Variants in ETF1 observed in about 807,000 individuals in gnomAD.
ETF1 encodes the protein eukaryotic translation termination factor 1.
A neutral mutation model predicts 55.1 loss-of-function variants in ETF1; 4 were observed. That is an observed-to-expected ratio of 0.07 (90% CI 0.04 to 0.17). The LOEUF is 0.17. Ranked by LOEUF, ETF1 falls within the 10% of genes least tolerant of loss-of-function variation. The pLI is 1.00. For synonymous variants in ETF1, 157 were observed against 182.3 expected, an observed-to-expected ratio of 0.86 and a Z score of 1.12; for missense variants, 142 against 523.6, an observed-to-expected ratio of 0.27 and a Z score of 7.11.
chr5:138,517,820 A>T (rs1765080887), intron 3 of ETF1, 120 bp from the exon 4 acceptor site: 52 of 1,309,174 alleles, frequency 4.0e-5, no homozygotes, highest in Non-Finnish European at 5.0e-5. Context: ...ATTTAAATAA[A>T]GCAGAAAAAG....
chr5:138,510,442 T>C (rs2127064059), intron 9 of ETF1, 123 bp downstream of exon 9: 7 of 360,340 alleles, frequency 1.9e-5, no homozygotes, highest in Admixed American at 3.7e-5. Context: ...GATGACCACC[T>C]CCCACAGCAC....
At chr5:138,510,784 G>A in intron 8 of ETF1, 155 bp from the exon 9 acceptor site, 8 of 695,240 alleles carry the variant, frequency 1.2e-5, no homozygotes, top group Non-Finnish European at 1.4e-5. Context: ...GTGTCTACTA[G>A]GTACAATGCT....
At chr5:138,522,918 A>G (rs954956043) in intron 2 of ETF1, among the ~76,000 whole-genome samples, 1 of 152,120 alleles carries the variant, frequency 6.6e-6, no homozygotes, top group Non-Finnish European at 1.5e-5. Flanking sequence ...AGTCAGGAGA[A>G]TGGTGTGAAC....
intron 4 of ETF1, chr5:138,513,971 A>G: frequency 8.1e-6 from 7 of 864,378 alleles, no homozygotes; most frequent in Non-Finnish European, 9.7e-6. Flanking sequence ...ATAAAACCAG[A>G]AAGATATCTG....
At chr5:138,511,913 A>G (rs531836565) in intron 6 of ETF1, 1 of 984,912 alleles carries the variant, frequency 1.0e-6, no homozygotes, top group South Asian at 4.7e-5. Flanking sequence ...AGAGGTTAAG[A>G]CGGGCTGGGG....
chr5:138,537,515 C>G (rs894847902), intron 2 of ETF1, among the ~76,000 whole-genome samples: 1 of 152,148 alleles, frequency 6.6e-6, no homozygotes, highest in Non-Finnish European at 1.5e-5. Flanking sequence ...GTTCTATATT[C>G]ATCTCTTCTC....
chr5:138,542,431 T>C (rs1766218624), intron 2 of ETF1, among the ~76,000 whole-genome samples: 1 of 151,768 alleles, frequency 6.6e-6, no homozygotes, highest in South Asian at 2.1e-4. Context: ...GGCTGAGAAA[T>C]GAAGGGAGAA....
chr5:138,515,151 C>T (rs10085168), intron 4 of ETF1, among the ~76,000 whole-genome samples: 1,957 of 152,244 alleles, frequency 0.013, 49 homozygotes, highest in African/African-American at 0.045. Flanking sequence ...ATATTGTGGC[C>T]GGGCGTGGTG....
intron 2 of ETF1, among the ~76,000 whole-genome samples, chr5:138,523,931 C>T (rs904354309): frequency 6.6e-6 from 1 of 151,708 alleles, no homozygotes; most frequent in East Asian, 2.0e-4. Flanking sequence ...AATCCCAGCA[C>T]TCTGGGAGGC....
At chr5:138,530,365 G>A (rs1403877271) in intron 2 of ETF1, among the ~76,000 whole-genome samples, 1 of 151,324 alleles carries the variant, frequency 6.6e-6, no homozygotes. Flanking sequence ...TGCAGCTTCT[G>A]CCTGCTGGAT....
intron 2 of ETF1, chr5:138,541,732 C>A: frequency 1.9e-6 from 2 of 1,048,924 alleles, no homozygotes; most frequent in Non-Finnish European, 1.2e-6. Context: ...CTCAGACATA[C>A]AAGTATGTAA....
At chr5:138,536,473 A>G (rs1023807513) in intron 2 of ETF1, among the ~76,000 whole-genome samples, 1 of 152,234 alleles carries the variant, frequency 6.6e-6, no homozygotes, top group African/African-American at 2.4e-5. Context: ...GTACCCAGTG[A>G]GAAACCTCAG....
At chr5:138,515,002 A>G (rs1288905789) in intron 4 of ETF1, among the ~76,000 whole-genome samples, 1 of 152,230 alleles carries the variant, frequency 6.6e-6, no homozygotes, top group Non-Finnish European at 1.5e-5. Context: ...CTGGGATTAC[A>G]TAGGTGTGAG....
intron 2 of ETF1, among the ~76,000 whole-genome samples, chr5:138,532,425 A>G (rs555180824): frequency 1.1e-4 from 17 of 152,302 alleles, no homozygotes; most frequent in African/African-American, 4.1e-4. Flanking sequence ...TGAGGATTCT[A>G]CGAGATCATA....
chr5:138,540,415 C>T (rs1766124088), intron 2 of ETF1, among the ~76,000 whole-genome samples: 5 of 152,144 alleles, frequency 3.3e-5, no homozygotes, highest in Admixed American at 3.3e-4. Context: ...TACAATTCTT[C>T]TAAAGATATT....
intron 2 of ETF1, among the ~76,000 whole-genome samples, chr5:138,537,416 C>T (rs2127131931): frequency 6.6e-6 from 1 of 152,310 alleles, no homozygotes; most frequent in South Asian, 2.1e-4. Flanking sequence ...CATATTATCT[C>T]AACTGTTACC....
chr5:138,509,219 T>C (rs1764668350), intron 9 of ETF1: 2 of 978,496 alleles, frequency 2.0e-6, no homozygotes, highest in South Asian at 4.7e-5. Context: ...AAACCAGAAT[T>C]TGAGGAAGCT....
chr5:138,537,600 T>A (rs1193029672), intron 2 of ETF1, among the ~76,000 whole-genome samples: 1 of 152,160 alleles, frequency 6.6e-6, no homozygotes, highest in Non-Finnish European at 1.5e-5. Flanking sequence ...TATTATTATT[T>A]TTTTTGAGAT....
intron 4 of ETF1, among the ~76,000 whole-genome samples, chr5:138,515,396 G>T (rs1764977332): frequency 6.6e-6 from 1 of 152,154 alleles, no homozygotes. Flanking sequence ...TTGCACTCCA[G>T]CCTGGGCAAC....
Sources: gnomAD v4.1 joint callset for allele counts (sites outside exome capture counted in the v4.1 genomes callset) on GRCh38, gnomAD v4.1.1 for gene constraint, MANE v1.5 for transcripts, NCBI Gene and HGNC (gene_info 2026-07-23, HGNC 2026-07-21) for gene names.